PCDH1: variants seen among roughly 807,000 people sequenced by gnomAD.
PCDH1 encodes protocadherin 1, also known as protocadherin-1.
A neutral mutation model predicts 74.6 loss-of-function variants in PCDH1; 23 were observed. The ratio of observed to expected loss-of-function variants is 0.31; its 90% CI spans 0.22 to 0.44. PCDH1 has a LOEUF of 0.44. Among genes scored for constraint, PCDH1 ranks in the 20% least tolerant of loss-of-function variants. PCDH1 has a pLI of 1.00. For missense variants in PCDH1, 1,214 were observed against 1,641.4 expected (o/e 0.74, Z 4.50); for synonymous variants, 647 against 686.1 (o/e 0.94, Z 0.89).
chr5:141,861,628 T>C (rs1482963486), intron 3 of PCDH1, among the ~76,000 whole-genome samples: 1 of 152,076 alleles, frequency 6.6e-6, no homozygotes, highest in African/African-American at 2.4e-5. Flanking sequence ...AGTTTTTACT[T>C]TGGGGGCCCC....
At chr5:141,876,957 TCCCGGAACA>T (rs1018605169) in intron 1 of PCDH1, among the ~76,000 whole-genome samples, 3 of 152,226 alleles carry the variant, frequency 2.0e-5, no homozygotes, top group African/African-American at 7.2e-5. Flanking sequence ...TCCAGCTTGT[TCCCGGAACA>T]CCAGCCGGTT....
chr5:141,878,253 C>A lies in PCDH1; in HGVS notation c.10G>T (p.Gly4Trp), dbSNP rs866633155. MDS[G>W]AGGRRCPEAA... ...TCCGGGCAGCGCCGGCCGCCCGCCCCGCTGTCCATGAGCCGCCGCCGGCCC... is the reference window on the plus strand; with the variant it reads ...TCCGGGCAGCGCCGGCCGCCCGCCCAGCTGTCCATGAGCCGCCGCCGGCCC... Residue 4 changes from glycine (G) to tryptophan (W), a missense_variant, in exon 1 of 5, where the codon GGG becomes TGG. Gly to Trp is a radical substitution (Grantham distance 184). Transcript: ENST00000287008. This position sits in a 1 kb window ranked among gnomAD's most constrained non-coding sequence, Gnocchi z 5.5. The A allele has an allele frequency of 2.9e-6, 4 of 1,362,166 alleles. No homozygotes were observed. The highest frequency in any genetic ancestry group is 3.2e-5 in the Admixed American group (1 of 30,956). The allele number at this position is 1,362,166 out of a possible 1,614,324, so 84.4% of individuals were successfully genotyped here. A position where few individuals can be genotyped will look rare whatever the true frequency, so the allele number is the denominator to read the frequency against.
chr5:141,856,300 C>T (rs968997304), intron 4 of PCDH1: 51 of 1,436,804 alleles, frequency 3.5e-5, no homozygotes, highest in East Asian at 2.5e-4. Flanking sequence ...GGCATGAGAT[C>T]GCGCATGGAG....
chr5:141,858,336 G>C (rs1018769106), intron 3 of PCDH1, among the ~76,000 whole-genome samples: 1 of 152,210 alleles, frequency 6.6e-6, no homozygotes, highest in Admixed American at 6.5e-5. Flanking sequence ...TCAGGAAATA[G>C]AATATTCACT....
At chr5:141,873,613 ATTT>A (rs34468568) in intron 1 of PCDH1, among the ~76,000 whole-genome samples, 1 of 122,520 alleles carries the variant, frequency 8.2e-6, no homozygotes. Flanking sequence ...TGCCCAGCTA[ATTT>A]TTTTTTTTTT....
chr5:141,855,523 A>G (rs1752302560), intron 4 of PCDH1, among the ~76,000 whole-genome samples: 1 of 151,886 alleles, frequency 6.6e-6, no homozygotes, highest in Non-Finnish European at 1.5e-5. Flanking sequence ...GGATACACAA[A>G]TCTACTACAG....
Position 141,865,894 on chromosome 5 carries a change from ATATG to A in PCDH1, c.904-471_904-468del, listed in dbSNP as rs1335941782. Among the ~76,000 whole-genome samples, 1 of 152,216 alleles carries A rather than the reference ATATG, an allele frequency of 6.6e-6. No homozygotes were observed. Among genetic ancestry groups the A allele is most frequent in the East Asian group, 1.9e-4 (1 of 5,190 alleles). The stretch of plus-strand genomic sequence containing the variant: ...GCACTACATGCACGCACGCATGCAC[ATATG>A]TATGTGTATGATTGTGTCAGAATGT... On this transcript the variant is annotated intron_variant, in intron 2 of 4. Transcript: ENST00000287008. This position sits in a 1 kb window ranked among gnomAD's most constrained non-coding sequence, Gnocchi z 4.4.
intron 3 of PCDH1, among the ~76,000 whole-genome samples, chr5:141,861,257 G>A (rs1462870108): frequency 1.3e-5 from 2 of 151,492 alleles, no homozygotes; most frequent in African/African-American, 4.9e-5. Flanking sequence ...TGTCTGTCTT[G>A]TACAAGTATG....
intron 2 of PCDH1, among the ~76,000 whole-genome samples, chr5:141,867,035 C>A (rs563697193): frequency 6.6e-6 from 1 of 152,326 alleles, no homozygotes; most frequent in African/African-American, 2.4e-5. Context: ...TCTCTGAGTG[C>A]CAAACCCTAA....
Position 141,854,032 on chromosome 5 carries a change from A to G in PCDH1, c.*10T>C, listed in dbSNP as rs1007005222. On this transcript the variant is annotated 3_prime_UTR_variant, in exon 5 of 5. Transcript: ENST00000287008. ...GCTGGGGGAGGGGGGCCGGCCGGCC[A>G]GTAGGGGGCTCACAGGTAGATCTCG... 7 of 1,481,878 alleles carry G rather than the reference A, an allele frequency of 4.7e-6. No individual in the cohort carries two copies. Among genetic ancestry groups the G allele is most frequent in the Non-Finnish European group, 6.3e-6 (7 of 1,116,098 alleles). 91.8% of individuals were successfully genotyped at this position (1,481,878 alleles called of 1,614,324 possible).
At chr5:141,862,222 C>T (rs1779329868) in intron 3 of PCDH1, among the ~76,000 whole-genome samples, 1 of 152,102 alleles carries the variant, frequency 6.6e-6, no homozygotes, top group Non-Finnish European at 1.5e-5. Flanking sequence ...TCTGCCTTCA[C>T]CTAAGGCAGG....
intron 3 of PCDH1, 85 bp from the exon 4 acceptor site, chr5:141,857,556 AC>A: frequency 8.7e-7 from 1 of 1,155,438 alleles, no homozygotes; most frequent in South Asian, 1.5e-5. Context: ...CAAGCCAAGC[AC>A]CATCCTACTC....
At position 141,864,578 on chromosome 5, in the gene PCDH1, C is replaced by G; in HGVS notation, c.1753G>C (p.Ala585Pro). 1 of 1,613,886 alleles carries G rather than the reference C, an allele frequency of 6.2e-7. No homozygotes were observed. The highest frequency in any genetic ancestry group is 8.5e-7 in the Non-Finnish European group (1 of 1,180,038). The change falls in exon 3 of 5, where the codon GCT becomes CCT. Residue 585 changes from alanine to proline, a missense_variant. By Grantham distance (27) the Ala-to-Pro change is conservative (BLOSUM62 -1). Transcript: ENST00000287008. This position sits in a 1 kb window ranked among gnomAD's most constrained non-coding sequence, Gnocchi z 5.9. Reference sequence around the variant, plus strand: ...TGGAGGCTAGGACTGCCCCGGTCAGCTGCCACCACCTTCAACTCATAGCTC... The same window carrying G: ...TGGAGGCTAGGACTGCCCCGGTCAGGTGCCACCACCTTCAACTCATAGCTC... ...RESYELKVVA[A>P]DRGSPSLQGT...
intron 2 of PCDH1, chr5:141,866,110 G>C: frequency 1.0e-6 from 1 of 985,536 alleles, no homozygotes; most frequent in Non-Finnish European, 1.2e-6. Context: ...GATTTCTTTT[G>C]AAAGAAGTCA....
chr5:141,862,910 C>T lies in PCDH1; in HGVS notation c.3099+322G>A, dbSNP rs554780886. On this transcript the variant is annotated intron_variant, in intron 3 of 4. Coordinates refer to ENST00000287008, the MANE Select transcript of PCDH1 (RefSeq NM_032420.5). The stretch of plus-strand genomic sequence containing the variant: ...TCTTACCCATTTCCCTCCCCACTTA[C>T]GCTCACCTGCCTACCACCCCCAACC... 1.1e-3 allele frequency: 1,391 copies of T among 1,219,754 alleles called. 2 individuals are homozygous for T. Among genetic ancestry groups the T allele is most frequent in the Admixed American group, 2.0e-3 (48 of 24,190 alleles). The allele number at this position is 1,219,754 out of a possible 1,614,324, so 75.6% of individuals were successfully genotyped here. A position where few individuals can be genotyped will look rare whatever the true frequency, so the allele number is the denominator to read the frequency against.
At position 141,865,057 on chromosome 5, in the gene PCDH1, C is replaced by T; in HGVS notation, c.1274G>A (p.Gly425Glu). 2 of 1,614,184 alleles carry T rather than the reference C, an allele frequency of 1.2e-6. No homozygotes were observed. The highest frequency in any genetic ancestry group is 1.7e-6 in the Non-Finnish European group (2 of 1,180,034). Residue 425 changes from glycine to glutamate, a missense_variant, in exon 3 of 5, where the codon GGA becomes GAA. Physicochemically the swap from Gly to Glu is moderately conservative, Grantham distance 98. Transcript: ENST00000287008. The surrounding 1 kb of genome is among the most constrained non-coding windows in gnomAD (Gnocchi z 4.4). ...CACACAGGTGACAGCTGCATTCTCT[C>T]CCTCATCTCGGTCAGACACCTGCAC... ...ALVQVSDRDE[G>E]ENAAVTCVVA...
At chr5:141,873,272 C>G (rs1289873068) in intron 1 of PCDH1, among the ~76,000 whole-genome samples, 1 of 151,036 alleles carries the variant, frequency 6.6e-6, no homozygotes, top group East Asian at 1.9e-4. Flanking sequence ...ACTACAGGCA[C>G]GTGCCACCAC....
chr5:141,853,661 G>C lies in PCDH1; in HGVS notation c.*381C>G, dbSNP rs577789299. ...GGCTAAAATTGGGCATGCTATCCCCGCCCTGGTCGGCCATGAGGGAAACAA... is the reference window on the plus strand; with the variant it reads ...GGCTAAAATTGGGCATGCTATCCCCCCCCTGGTCGGCCATGAGGGAAACAA... On this transcript the variant is annotated 3_prime_UTR_variant, in exon 5 of 5. Transcript: ENST00000287008. 5.8e-6 allele frequency: 1 copy of C among 173,492 alleles called. No individual in the cohort carries two copies. Among genetic ancestry groups the C allele is most frequent in the African/African-American group, 2.4e-5 (1 of 42,326 alleles). The allele number at this position is 173,492 out of a possible 1,614,324, so 10.7% of individuals were successfully genotyped here.
rs1596551805 is a variant in PCDH1 at position 141,863,583 on chromosome 5, G to A, written c.2748C>T (p.Ser916=). The A allele has an allele frequency of 6.2e-7, 1 of 1,614,172 alleles. No homozygotes were observed. Among genetic ancestry groups the A allele is most frequent in the African/African-American group, 1.3e-5 (1 of 75,048 alleles). The part of the protein sequence containing the change: ...SKGNKSKGKK[S]KSPKPVKPVE... ...CTGGCTTCACGGGCTTTGGGGACTTGCTCTTCTTGCCTTTGCTTTTGTTTC... is the reference window on the plus strand; with the variant it reads ...CTGGCTTCACGGGCTTTGGGGACTTACTCTTCTTGCCTTTGCTTTTGTTTC... Residue 916 remains serine, a synonymous_variant, in exon 3 of 5, where the codon AGC becomes AGT. Coordinates refer to ENST00000287008, the MANE Select transcript of PCDH1 (RefSeq NM_032420.5). The surrounding 1 kb of genome is among the most constrained non-coding windows in gnomAD (Gnocchi z 7.5).
Sources: allele counts gnomAD v4.1 joint callset (sites outside exome capture counted in the v4.1 genomes callset), GRCh38; gene constraint gnomAD v4.1.1; non-coding constraint Gnocchi (gnomAD v3.1); transcripts MANE v1.5; gene names NCBI Gene and HGNC (gene_info 2026-07-23, HGNC 2026-07-21).